The following MTG2 variants were observed in gnomAD, a reference collection of about 807,000 sequenced individuals.
The protein encoded by MTG2 is mitochondrial ribosome associated GTPase 2, also known as mitochondrial ribosome-associated GTPase 2.
A neutral mutation model predicts 28.6 loss-of-function variants in MTG2; 23 were observed. That is an observed-to-expected ratio of 0.80 (90% CI 0.58 to 1.14). MTG2 has a LOEUF of 1.14. Ranked by LOEUF, MTG2 falls within the 50% of genes most tolerant of loss-of-function variation. The pLI, the probability that MTG2 is intolerant of heterozygous loss-of-function variation, is 0.00. For missense variants in MTG2, 539 were observed against 552.0 expected, an observed-to-expected ratio of 0.98 and a Z score of 0.24; for synonymous variants, 260 against 251.8, an observed-to-expected ratio of 1.03 and a Z score of -0.31.
rs77075124 is a variant in MTG2, at chr20:62,186,536, T to G, written c.-6+3479T>G. ...CTGGGACTTTTTTTTTTGTTTTTTT[T>G]TTTTTTTTTTGAGATGGAGTCTTGC... On this transcript the variant is annotated intron_variant, in intron 1 of 6. Coordinates refer to ENST00000370823, the MANE Select transcript of MTG2 (RefSeq NM_015666.4). 1.6e-4 allele frequency among the ~76,000 whole-genome samples: 24 copies of G among 147,990 alleles called. No homozygotes were observed. In the East Asian group the frequency reaches 2.0e-3, roughly 12 times the overall value.
intron 1 of MTG2, among the ~76,000 whole-genome samples, chr20:62,184,030 A>G (rs113052270): frequency 0.09 from 13,779 of 152,272 alleles, 738 homozygotes; most frequent in South Asian, 0.24. Context: ...CTCAGCCTCC[A>G]CTGCTTTAGA....
rs1171269057 is a variant in MTG2 at position 62,202,646 on chromosome 20, G to C, written c.*1569G>C. 1 of 151,870 alleles carries C rather than the reference G, an allele frequency of 6.6e-6. No individual in the cohort carries two copies. Among genetic ancestry groups the C allele is most frequent in the Non-Finnish European group, 1.5e-5 (1 of 68,180 alleles). The allele number at this position is 151,870 out of a possible 1,614,324, so 9.4% of individuals were successfully genotyped here. On this transcript the variant is annotated 3_prime_UTR_variant, in exon 7 of 7. Coordinates refer to ENST00000370823, the MANE Select transcript of MTG2 (RefSeq NM_015666.4). ...CGGTCACCTGTAGTCCCAGCTACTC[G>C]GGAGGCTGAAGCAGGAGAATGGCGT...
rs1199137606 is a variant in MTG2, at chr20:62,200,996, G to A, written c.1140G>A (p.Gln380=). The A allele has an allele frequency of 1.1e-5, 18 of 1,613,658 alleles. No homozygotes were observed. Among genetic ancestry groups the A allele is most frequent in the Non-Finnish European group, 1.5e-5 (18 of 1,180,008 alleles). ...CGTTGACCGGCGAGAACCTGGAGCA[G>A]CTGCTGTTGCACCTGAAGGTGCTGT... ...LSALTGENLE[Q]LLLHLKVLYD... The change falls in exon 7 of 7, where the codon CAG becomes CAA. Residue 380 remains glutamine, a synonymous_variant. Coordinates refer to ENST00000370823, the MANE Select transcript of MTG2 (RefSeq NM_015666.4).
chr20:62,191,058 C>T (rs774535915), intron 1 of MTG2, among the ~76,000 whole-genome samples: 4 of 152,058 alleles, frequency 2.6e-5, no homozygotes, highest in Non-Finnish European at 5.9e-5. Context: ...CATGGAGGCC[C>T]GGTTTCTTAT....
intron 1 of MTG2, among the ~76,000 whole-genome samples, chr20:62,185,925 A>G (rs777495372): frequency 6.6e-6 from 1 of 152,208 alleles, no homozygotes; most frequent in African/African-American, 2.4e-5. Flanking sequence ...GCGGGCCTCC[A>G]AAGAGAAATT....
At chr20:62,183,402 G>A (rs1024026201) in intron 1 of MTG2, among the ~76,000 whole-genome samples, 5 of 152,252 alleles carry the variant, frequency 3.3e-5, no homozygotes, top group African/African-American at 1.2e-4. Context: ...TCCGAGTCAA[G>A]TTGTTAGGAA....
intron 3 of MTG2, 166 bp from the exon 4 acceptor site, chr20:62,197,686 G>T: frequency 1.7e-6 from 1 of 590,848 alleles, no homozygotes; most frequent in Non-Finnish European, 3.0e-6. Flanking sequence ...GGAAAATAAG[G>T]ATTTCATTTT....
chr20:62,199,795 AGT>A (rs754313466), intron 6 of MTG2, among the ~76,000 whole-genome samples: 42 of 147,516 alleles, frequency 2.8e-4, no homozygotes, highest in Non-Finnish European at 5.6e-4. Flanking sequence ...CCCATATTTA[AGT>A]GATTCTCCTG....
At chr20:62,193,788 G>A in intron 2 of MTG2, 164 bp downstream of exon 2, 2 of 714,580 alleles carry the variant, frequency 2.8e-6, no homozygotes, top group Non-Finnish European at 4.5e-6. Flanking sequence ...ACGCAGGCCT[G>A]CGTGCTAAAT....
rs766226812 is a variant in MTG2 at position 62,200,960 on chromosome 20, C to T, written c.1104C>T (p.Ile368=). The T allele has an allele frequency of 1.7e-5, 27 of 1,613,898 alleles. No homozygotes were observed. The highest frequency in any genetic ancestry group is 1.9e-5 in the Non-Finnish European group (23 of 1,180,048). The change falls in exon 7 of 7, where the codon ATC becomes ATT. Residue 368 remains isoleucine (I), a synonymous_variant. Transcript: ENST00000370823. ...QLRDHLGQEV[I]VLSALTGENL... is the part of the protein sequence containing the mutation. ...GGGATCACTTGGGACAGGAGGTCAT[C>T]GTGCTGTCGGCGTTGACCGGCGAGA...
At chr20:62,187,587 A>G (rs925936084) in intron 1 of MTG2, among the ~76,000 whole-genome samples, 18 of 152,190 alleles carry the variant, frequency 1.2e-4, no homozygotes, top group African/African-American at 4.3e-4. Context: ...AAATTTGTCC[A>G]TTTCATGTAA....
rs374323196 is a variant in MTG2 at position 62,200,665 on chromosome 20, C to A, written c.827-18C>A. Reference sequence around the variant, plus strand: ...GTGTGCCAAGTGGTCACCTCGTGTGCCCCTGTCTTCCCTGCAGTGGCCGAC... The same window carrying A: ...GTGTGCCAAGTGGTCACCTCGTGTGACCCTGTCTTCCCTGCAGTGGCCGAC... On this transcript the variant is annotated intron_variant, in intron 6 of 6. Transcript: ENST00000370823. 5.5e-5 allele frequency: 87 copies of A among 1,580,928 alleles called. No homozygotes were observed. The African/African-American group carries it at 9.7e-4, about 18-fold the overall frequency.
intron 1 of MTG2, among the ~76,000 whole-genome samples, chr20:62,185,469 G>A (rs2057824054): frequency 6.6e-6 from 1 of 151,652 alleles, no homozygotes; most frequent in Non-Finnish European, 1.5e-5. Context: ...ATATATACAT[G>A]TATATGTATG....
At position 62,199,179 on chromosome 20, in the gene MTG2, G is replaced by A. The variant is rs759664974; in HGVS notation, c.748G>A (p.Ala250Thr). The stretch of plus-strand genomic sequence containing the variant: ...CCGGGCCATTTCAAACGCCAGACCC[G>A]CCGTGGCTTCCTACCCGTTCACCAC... ...LLRAISNARP[A>T]VASYPFTTLK... The change falls in exon 6 of 7, where the codon GCC becomes ACC. Residue 250 changes from alanine to threonine, a missense_variant. Transcript: ENST00000370823. 28 of 1,614,022 alleles carry A rather than the reference G, an allele frequency of 1.7e-5. No individual in the cohort carries two copies. The highest frequency in any genetic ancestry group is 1.6e-4 in the Middle Eastern group (1 of 6,084).
Position 62,193,631 on chromosome 20 carries a change from C to G in MTG2, c.204+7C>G. The G allele has an allele frequency of 6.2e-7, 1 of 1,605,466 alleles. No individual in the cohort carries two copies. The highest frequency in any genetic ancestry group is 8.5e-7 in the Non-Finnish European group (1 of 1,176,444). On this transcript the variant is annotated splice_region_variant and intron_variant, in intron 2 of 6. Coordinates refer to ENST00000370823, the MANE Select transcript of MTG2 (RefSeq NM_015666.4). ...GCTCTCTGAGAAAAAGCTGGTGAGA[C>G]TCCTGGAGTTAGAGCAGCTTGCCTG...
chr20:62,190,582 G>C (rs749852808), intron 1 of MTG2, among the ~76,000 whole-genome samples: 2 of 152,124 alleles, frequency 1.3e-5, no homozygotes, highest in Non-Finnish European at 1.5e-5. Flanking sequence ...TTTTCCCTGC[G>C]TATAGAATAC....
chr20:62,200,834 T>C lies in MTG2; in HGVS notation c.978T>C (p.Tyr326=), dbSNP rs767936109. The C allele has an allele frequency of 2.5e-6, 4 of 1,613,840 alleles. No individual in the cohort carries two copies. The highest frequency in any genetic ancestry group is 2.2e-5 in the South Asian group (2 of 91,088). ...EPWTQVDDLK[Y]ELEMYEKGLS... is the part of the protein sequence containing the mutation. Reference sequence around the variant, plus strand: ...GGACTCAAGTTGACGATTTAAAATATGAACTGGAGATGTATGAAAAGGGCC... The same window carrying C: ...GGACTCAAGTTGACGATTTAAAATACGAACTGGAGATGTATGAAAAGGGCC... Residue 326 remains tyrosine, a synonymous_variant, in exon 7 of 7, where the codon TAT becomes TAC. Transcript: ENST00000370823.
intron 1 of MTG2, among the ~76,000 whole-genome samples, chr20:62,187,143 A>G (rs1487604354): frequency 1.3e-5 from 2 of 152,170 alleles, no homozygotes; most frequent in Non-Finnish European, 2.9e-5. Flanking sequence ...CTGTTGATAT[A>G]GTGAAGTGCC....
In MTG2 at chr20:62,193,562, C is replaced by T. The variant is rs367871302; in HGVS notation, c.142C>T (p.Arg48Cys). Residue 48 changes from arginine (R) to cysteine (C), a missense_variant, in exon 2 of 7, where the codon CGT becomes TGT. Coordinates refer to ENST00000370823, the MANE Select transcript of MTG2 (RefSeq NM_015666.4). Reference protein sequence around the residue: ...RASPRLLSVGRADLAKHQELP... With the variant: ...RASPRLLSVGCADLAKHQELP... ...TTCTCCCAGGCTGCTCTCGGTCGGC[C>T]GTGCGGACCTCGCCAAGCATCAGGA... 31 of 1,613,730 alleles carry T rather than the reference C, an allele frequency of 1.9e-5. No individual in the cohort carries two copies. Among genetic ancestry groups the T allele is most frequent in the Non-Finnish European group, 2.3e-5 (27 of 1,180,010 alleles).
Sources: gnomAD v4.1 joint callset for allele counts (sites outside exome capture counted in the v4.1 genomes callset) on GRCh38, gnomAD v4.1.1 for gene constraint, MANE v1.5 for transcripts, NCBI Gene and HGNC (gene_info 2026-07-23, HGNC 2026-07-21) for gene names.